Variants in FMN2 observed in about 807,000 individuals in gnomAD.
The protein encoded by FMN2 is formin-2.
In FMN2, 51 loss-of-function variants were observed where a neutral mutation model predicts 142.3. The ratio of observed to expected loss-of-function variants is 0.36; its 90% confidence interval spans 0.29 to 0.45. FMN2 has a LOEUF of 0.45. Among genes scored for constraint, FMN2 ranks in the 20% least tolerant of loss-of-function variants. The pLI, the probability that FMN2 is intolerant of heterozygous loss-of-function variation, is 1.00. For synonymous variants in FMN2, 882 were observed against 869.8 expected (o/e 1.01, Z -0.25); for missense variants, 1,936 against 2,122.8 (o/e 0.91, Z 1.73).
At chr1:240,178,091 G>A (rs777558110) in intron 3 of FMN2, 23 bp downstream of exon 3, 1 of 1,549,834 alleles carries the variant, frequency 6.5e-7, no homozygotes, top group South Asian at 1.3e-5. Context: ...TTTGTCTTCA[G>A]AGATAACTGG....
rs559762490 is a variant in FMN2 at position 240,271,494 on chromosome 1, CT to C, written c.4153+13471del. Among the ~76,000 whole-genome samples, 770 of 148,042 alleles carry C rather than the reference CT, an allele frequency of 5.2e-3. 2 individuals carry two copies. The highest frequency in any genetic ancestry group is 9.5e-3 in the South Asian group (44 of 4,630). On this transcript the variant is annotated intron_variant, in intron 7 of 17. Transcript: ENST00000319653. ...GCTTCATGCCCCCATTTTTTTAAAC[CT>C]TTTTTTTTAAAGTGTTTTCCTCACA... is the stretch of plus-strand genomic sequence containing the variant.
chr1:240,394,655 C>T (rs12564540), intron 15 of FMN2, among the ~76,000 whole-genome samples: 13,590 of 152,176 alleles, frequency 0.089, 645 homozygotes, highest in Middle Eastern at 0.12. Flanking sequence ...AGAGAGAAGT[C>T]AATGCCTGAC....
chr1:240,449,202 A>G (rs1037264988), intron 16 of FMN2, among the ~76,000 whole-genome samples: 1 of 151,542 alleles, frequency 6.6e-6, no homozygotes, highest in Admixed American at 6.6e-5. Flanking sequence ...TGTCTTTGCT[A>G]TGGGTGAAGA....
intron 11 of FMN2, among the ~76,000 whole-genome samples, chr1:240,330,981 T>G (rs1284955847): frequency 1.3e-5 from 2 of 152,218 alleles, no homozygotes; most frequent in Non-Finnish European, 2.9e-5. Context: ...TACAACTTTT[T>G]AATATAAAAA....
intron 16 of FMN2, among the ~76,000 whole-genome samples, chr1:240,456,985 C>G (rs9662729): frequency 0.77 from 117,346 of 152,068 alleles, 45,313 homozygotes; most frequent in Middle Eastern, 0.83. Flanking sequence ...CCTTTGTCCT[C>G]TTCATTGTTC....
rs146094231 is a variant in FMN2, at chr1:240,246,553, G to A, written c.4066-11392G>A. Among the ~76,000 whole-genome samples, 18 of 152,276 alleles carry A rather than the reference G, an allele frequency of 1.2e-4. No individual in the cohort carries two copies. In the East Asian group the frequency reaches 3.3e-3, roughly 28 times the overall value. On this transcript the variant is annotated intron_variant, in intron 6 of 17. Coordinates refer to ENST00000319653, the MANE Select transcript of FMN2 (RefSeq NM_020066.5). ...TCTCCAACACATTAGAAAGCAAGTA[G>A]GAGAACCTCACAATCTGTGCACCAG...
intron 8 of FMN2, among the ~76,000 whole-genome samples, chr1:240,323,210 ACTCTCACTCT>A (rs1671040503): frequency 1.7e-5 from 2 of 120,294 alleles, no homozygotes; most frequent in Non-Finnish European, 3.4e-5. Flanking sequence ...TCTCTCTCAC[ACTCTCACTCT>A]CTCTCACTCT....
At chr1:240,261,526 A>G (rs950805789) in intron 7 of FMN2, among the ~76,000 whole-genome samples, 2 of 152,072 alleles carry the variant, frequency 1.3e-5, no homozygotes, top group South Asian at 4.2e-4. Context: ...TGTAATGTTT[A>G]TATTTCAAAG....
At chr1:240,164,436 T>C (rs1664398495) in intron 2 of FMN2, among the ~76,000 whole-genome samples, 1 of 152,204 alleles carries the variant, frequency 6.6e-6, no homozygotes, top group Non-Finnish European at 1.5e-5. Flanking sequence ...TTAATCTTTT[T>C]TCTTTGTTCT....
intron 2 of FMN2, among the ~76,000 whole-genome samples, chr1:240,127,972 C>T (rs1027182033): frequency 2.6e-5 from 4 of 152,090 alleles, no homozygotes; most frequent in Non-Finnish European, 4.4e-5. Context: ...TCTGGTGGGG[C>T]AGACATGGCG....
chr1:240,468,280 GCACA>G (rs1308016727), intron 16 of FMN2, among the ~76,000 whole-genome samples: 5 of 149,498 alleles, frequency 3.3e-5, no homozygotes, highest in Admixed American at 1.3e-4. Flanking sequence ...ATATACATAT[GCACA>G]CACACATATA....
At chr1:240,396,583 T>C (rs1673786112) in intron 15 of FMN2, among the ~76,000 whole-genome samples, 2 of 152,058 alleles carry the variant, frequency 1.3e-5, no homozygotes, top group Admixed American at 6.6e-5. Flanking sequence ...TAGTACTCAG[T>C]GGGTGGTTTT....
chr1:240,206,643 C>A (rs1336020457), intron 4 of FMN2, among the ~76,000 whole-genome samples, 156 bp from the exon 5 acceptor site: 1 of 152,198 alleles, frequency 6.6e-6, no homozygotes, highest in Non-Finnish European at 1.5e-5. Context: ...TCTCAGGGTG[C>A]AAGCCAGGGG....
At chr1:240,171,185 A>C in intron 2 of FMN2, 1 of 832,034 alleles carries the variant, frequency 1.2e-6, no homozygotes, top group Non-Finnish European at 2.1e-6. Context: ...GTGTCTAAAA[A>C]GATAAAAGTT....
chr1:240,400,241 A>G (rs142758358), intron 15 of FMN2, among the ~76,000 whole-genome samples: 24 of 152,272 alleles, frequency 1.6e-4, no homozygotes, highest in Admixed American at 3.3e-4. Flanking sequence ...GCATCAGATC[A>G]GGAGGTCAGG....
intron 6 of FMN2, among the ~76,000 whole-genome samples, chr1:240,250,003 T>A (rs769983779): frequency 6.6e-6 from 1 of 152,138 alleles, no homozygotes; most frequent in African/African-American, 2.4e-5. Context: ...TCTTATATTT[T>A]CTAGATAAAA....
intron 8 of FMN2, among the ~76,000 whole-genome samples, chr1:240,298,204 T>C (rs149472615): frequency 2.0e-5 from 3 of 152,348 alleles, no homozygotes; most frequent in African/African-American, 7.2e-5. Context: ...ACAATTATTT[T>C]GTGAGAGGGT....
chr1:240,352,085 T>C (rs140164228), intron 13 of FMN2, among the ~76,000 whole-genome samples: 47 of 152,350 alleles, frequency 3.1e-4, no homozygotes, highest in African/African-American at 1.1e-3. Flanking sequence ...ATTAGATTTT[T>C]TTTTCCCTGC....
At chr1:240,442,449 T>G (rs1675657769) in intron 16 of FMN2, among the ~76,000 whole-genome samples, 2 of 152,212 alleles carry the variant, frequency 1.3e-5, no homozygotes, top group South Asian at 4.1e-4. Context: ...GCAGTGTTTT[T>G]GAAGGAAGAA....
Sources: allele counts gnomAD v4.1 joint callset (sites outside exome capture counted in the v4.1 genomes callset), GRCh38; gene constraint gnomAD v4.1.1; transcripts MANE v1.5; gene names NCBI Gene and HGNC (gene_info 2026-07-23, HGNC 2026-07-21).